The following CEP112 variants were observed in gnomAD, a reference collection of about 807,000 sequenced individuals.
CEP112 encodes the protein centrosomal protein of 112 kDa.
CEP112 carries 127 observed loss-of-function variants against 153.0 expected under a neutral mutation model. That is an observed-to-expected ratio of 0.83 (90% CI 0.72 to 0.96). The LOEUF (loss-of-function observed/expected upper bound fraction) is 0.96, where lower values mean the gene tolerates loss of function less well. CEP112 is among the 40% of genes least tolerant of loss of function. The pLI, the probability that CEP112 is intolerant of heterozygous loss-of-function variation, is 0.00. For synonymous variants in CEP112, 358 were observed against 374.4 expected (o/e 0.96, Z 0.51); for missense variants, 1,089 against 1,101.2 (o/e 0.99, Z 0.16).
At chr17:65,791,687 A>G (rs556221492) in intron 21 of CEP112, among the ~76,000 whole-genome samples, 1 of 152,348 alleles carries the variant, frequency 6.6e-6, no homozygotes, top group East Asian at 1.9e-4. Context: ...ATAACCATCA[A>G]GATCTAGGTA....
chr17:65,770,754 G>A (rs2053301827), intron 21 of CEP112, among the ~76,000 whole-genome samples: 2 of 151,900 alleles, frequency 1.3e-5, no homozygotes, highest in South Asian at 4.2e-4. Flanking sequence ...TACAACAGTA[G>A]GTGAAGACAG....
At position 65,793,536 on chromosome 17, in the gene CEP112, T is replaced by A. The variant is rs565325577; in HGVS notation, c.2395-42812A>T. Among the ~76,000 whole-genome samples, 60 of 152,312 alleles carry A rather than the reference T, an allele frequency of 3.9e-4. No individual in the cohort carries two copies. The East Asian group carries it at 8.3e-3, about 21-fold the overall frequency. ...ACAAAAAATAAAAACTAAAAATGTC[T>A]TCCTCTAATTCCTACAAGAACTCAC... On this transcript the variant is annotated intron_variant, in intron 21 of 26. Coordinates refer to ENST00000535342, the MANE Select transcript of CEP112 (RefSeq NM_001199165.4).
rs1490931218 is a variant in CEP112, at chr17:65,933,654, G to A, written c.1873-5965C>T. 2.0e-5 allele frequency among the ~76,000 whole-genome samples: 3 copies of A among 152,194 alleles called. No homozygotes were observed. In the East Asian group the frequency reaches 5.8e-4, roughly 29 times the overall value. The stretch of plus-strand genomic sequence containing the variant: ...CCTCCATCTTCCCCCGAAAATGAGG[G>A]AGGTCATCACCATGAGTCTTGCCTT... On this transcript the variant is annotated intron_variant, in intron 18 of 26. Coordinates refer to ENST00000535342, the MANE Select transcript of CEP112 (RefSeq NM_001199165.4).
At chr17:65,774,888 C>T (rs1174289531) in intron 21 of CEP112, among the ~76,000 whole-genome samples, 7 of 152,170 alleles carry the variant, frequency 4.6e-5, no homozygotes, top group Non-Finnish European at 8.8e-5. Context: ...AGGAAGGGTT[C>T]AGCGAGGCTT....
chr17:66,152,338 A>G (rs2071246358), intron 4 of CEP112, among the ~76,000 whole-genome samples: 1 of 152,238 alleles, frequency 6.6e-6, no homozygotes, highest in East Asian at 1.9e-4. Context: ...CAAAAATTAG[A>G]AAATATGCTT....
intron 2 of CEP112, chr17:66,182,559 T>C (rs2072762985): frequency 6.6e-6 from 1 of 152,216 alleles, no homozygotes; most frequent in East Asian, 1.9e-4. Flanking sequence ...TATTTACCTT[T>C]ACAGACAATC....
chr17:65,774,676 C>T (rs2053575131), intron 21 of CEP112, among the ~76,000 whole-genome samples: 1 of 152,146 alleles, frequency 6.6e-6, no homozygotes, highest in Admixed American at 6.5e-5. Context: ...GATCGGAGGC[C>T]CTACCCCATG....
intron 21 of CEP112, among the ~76,000 whole-genome samples, chr17:65,828,898 A>T (rs1243274557): frequency 1.3e-5 from 2 of 151,384 alleles, no homozygotes; most frequent in Non-Finnish European, 2.9e-5. Context: ...TTCAGTTTTG[A>T]CACTGATATT....
At chr17:65,869,129 A>G (rs1346026984) in intron 20 of CEP112, among the ~76,000 whole-genome samples, 2 of 152,236 alleles carry the variant, frequency 1.3e-5, no homozygotes, top group Admixed American at 1.3e-4. Context: ...CTAACCTGCA[A>G]ATAGAACTTT....
At chr17:65,684,334 A>C (rs766388276) in intron 24 of CEP112, among the ~76,000 whole-genome samples, 3 of 152,210 alleles carry the variant, frequency 2.0e-5, no homozygotes, top group Non-Finnish European at 4.4e-5. Context: ...GTTTAATAAA[A>C]TATCCTTCTG....
At chr17:65,796,426 T>A (rs371132718) in intron 21 of CEP112, among the ~76,000 whole-genome samples, 2 of 152,298 alleles carry the variant, frequency 1.3e-5, no homozygotes, top group African/African-American at 2.4e-5. Flanking sequence ...TATGAGGGTA[T>A]TTTTCTTTTG....
intron 20 of CEP112, among the ~76,000 whole-genome samples, chr17:65,864,380 G>A (rs1329378013): frequency 2.0e-5 from 3 of 152,180 alleles, no homozygotes; most frequent in African/African-American, 7.2e-5. Context: ...TTTTCAAGAT[G>A]TGGATTAGAT....
chr17:65,745,563 T>C (rs575348751), intron 22 of CEP112, among the ~76,000 whole-genome samples: 17 of 152,284 alleles, frequency 1.1e-4, no homozygotes, highest in African/African-American at 2.6e-4. Flanking sequence ...TGGGGCCAAA[T>C]AGTAAAAAAC....
chr17:65,931,198 A>G (rs538703620), intron 18 of CEP112, among the ~76,000 whole-genome samples: 1 of 152,320 alleles, frequency 6.6e-6, no homozygotes, highest in South Asian at 2.1e-4. Context: ...TGGTAGAATA[A>G]AAGTTCCACA....
intron 16 of CEP112, among the ~76,000 whole-genome samples, chr17:66,026,886 T>A (rs1402579043): frequency 1.3e-5 from 2 of 152,198 alleles, no homozygotes; most frequent in Non-Finnish European, 2.9e-5. Context: ...ATATTTTTGA[T>A]CCATGTTTGA....
intron 6 of CEP112, among the ~76,000 whole-genome samples, chr17:66,101,579 T>C (rs1278682516): frequency 6.6e-6 from 1 of 152,080 alleles, no homozygotes; most frequent in Non-Finnish European, 1.5e-5. Context: ...CAGCAATAAG[T>C]TACTGTTGTA....
intron 17 of CEP112, among the ~76,000 whole-genome samples, chr17:65,975,349 T>C (rs2111409): frequency 0.42 from 63,247 of 152,040 alleles, 14,508 homozygotes; most frequent in East Asian, 0.87. Flanking sequence ...TGTGAGTTCA[T>C]ACTTTCTATA....
intron 24 of CEP112, among the ~76,000 whole-genome samples, chr17:65,672,310 C>T (rs79516941): frequency 0.018 from 2,711 of 152,060 alleles, 78 homozygotes; most frequent in African/African-American, 0.062. Context: ...GACTCAATAT[C>T]GCAAAGATGT....
intron 20 of CEP112, among the ~76,000 whole-genome samples, chr17:65,896,228 T>C (rs1299120376): frequency 6.6e-6 from 1 of 152,102 alleles, no homozygotes; most frequent in African/African-American, 2.4e-5. Context: ...CACTGTATCT[T>C]CTACAAATGG....
Sources: allele counts gnomAD v4.1 joint callset (sites outside exome capture counted in the v4.1 genomes callset), GRCh38; gene constraint gnomAD v4.1.1; transcripts MANE v1.5; gene names NCBI Gene and HGNC (gene_info 2026-07-23, HGNC 2026-07-21).